Variants in REPS2 observed in about 807,000 individuals in gnomAD.
REPS2 encodes ralBP1-associated Eps domain-containing protein 2.
A neutral mutation model predicts 53.6 loss-of-function variants in REPS2; 23 were observed. That is an observed-to-expected ratio of 0.43 (90% CI 0.31 to 0.61). REPS2 has a LOEUF of 0.61. Ranked by LOEUF, REPS2 falls within the 20% of genes least tolerant of loss-of-function variation. The probability of loss-of-function intolerance (pLI) is 0.11; values close to 1 mark genes in which losing one functional copy is unlikely to be tolerated. For synonymous variants in REPS2, 238 were observed against 218.6 expected (o/e 1.09, Z -0.78); for missense variants, 446 against 534.9 (o/e 0.83, Z 1.64).
intron 5 of REPS2, among the ~76,000 whole-genome samples, chrX:17,030,267 G>A (rs1415475447): frequency 9.0e-6 from 1 of 111,303 alleles, no homozygotes; most frequent in Non-Finnish European, 1.9e-5. Context: ...GTTGCCTTGT[G>A]TAGTGTCTCT....
the REPS2 span, among the ~76,000 whole-genome samples, chrX:17,173,778 T>C: frequency 4.5e-5 from 5 of 112,154 alleles, no homozygotes; most frequent in Non-Finnish European, 9.4e-5. Flanking sequence ...CCTATTACCC[T>C]TGTGGTTCAA....
intron 1 of REPS2, among the ~76,000 whole-genome samples, chrX:16,985,483 C>A (rs979555441): frequency 1.6e-4 from 18 of 112,000 alleles, no homozygotes; most frequent in African/African-American, 5.8e-4. Context: ...TCCTGCTGTC[C>A]CAATATCATG....
chrX:17,075,134 T>C (rs2062362098), intron 12 of REPS2, among the ~76,000 whole-genome samples: 1 of 111,993 alleles, frequency 8.9e-6, no homozygotes, highest in South Asian at 3.7e-4. Flanking sequence ...TTCATTTAGG[T>C]AGGAAGAAAA....
intron 1 of REPS2, among the ~76,000 whole-genome samples, chrX:16,957,755 C>A (rs1454878560): frequency 9.0e-6 from 1 of 111,612 alleles, no homozygotes; most frequent in Non-Finnish European, 1.9e-5. Context: ...ATTTTTTGTT[C>A]GAGATCCAGA....
At chrX:17,141,370 T>C (rs60542261) in intron 17 of REPS2, among the ~76,000 whole-genome samples, 1,342 of 112,575 alleles carry the variant, frequency 0.012, 64 homozygotes, top group Admixed American at 0.088. Context: ...GTATCAGTAA[T>C]TCATTCATTT....
At chrX:17,167,473 G>A in the REPS2 span, among the ~76,000 whole-genome samples, 2 of 110,086 alleles carry the variant, frequency 1.8e-5, no homozygotes, top group East Asian at 2.9e-4. Context: ...CTACTTAACT[G>A]TTGTCCACTC....
intron 14 of REPS2, among the ~76,000 whole-genome samples, chrX:17,110,549 G>A (rs910978300): frequency 1.9e-5 from 2 of 104,698 alleles, no homozygotes; most frequent in Non-Finnish European, 3.9e-5. Flanking sequence ...AAAATTAGCC[G>A]GGCGGGGTGG....
intron 10 of REPS2, among the ~76,000 whole-genome samples, chrX:17,069,212 T>G (rs115692726): frequency 0.019 from 2,143 of 112,234 alleles, 49 homozygotes; most frequent in African/African-American, 0.067. Flanking sequence ...ACACTATGAA[T>G]CATTTGCCTA....
At chrX:16,993,608 C>A (rs190495859) in intron 1 of REPS2, among the ~76,000 whole-genome samples, 2 of 112,217 alleles carry the variant, frequency 1.8e-5, no homozygotes, top group Admixed American at 9.4e-5. Context: ...GCATAAGTGA[C>A]CCTCATCTGA....
At chrX:17,154,003 A>G (rs2063592299), downstream of REPS2, among the ~76,000 whole-genome samples, 1 of 111,495 alleles carries the variant, frequency 9.0e-6, no homozygotes, top group South Asian at 3.8e-4. Context: ...CAGCATCATC[A>G]GGGACTTATT....
At chrX:17,139,419 C>A (rs1019466003) in intron 17 of REPS2, among the ~76,000 whole-genome samples, 4 of 111,353 alleles carry the variant, frequency 3.6e-5, no homozygotes, top group Non-Finnish European at 7.5e-5. Context: ...AAGGAAGTCA[C>A]CTTGGTACTA....
intron 5 of REPS2, among the ~76,000 whole-genome samples, chrX:17,034,938 C>G (rs1468852410): frequency 9.0e-6 from 1 of 110,863 alleles, no homozygotes; most frequent in Non-Finnish European, 1.9e-5. Flanking sequence ...AAGTGCATAA[C>G]TTGAAAAATG....
intron 14 of REPS2, among the ~76,000 whole-genome samples, chrX:17,132,819 T>G (rs1172324112): frequency 8.9e-6 from 1 of 112,479 alleles, no homozygotes; most frequent in Non-Finnish European, 1.9e-5. Flanking sequence ...ATTACAGGCA[T>G]GAGCCACGGT....
chrX:16,950,804 T>G (rs2060496576), intron 1 of REPS2, among the ~76,000 whole-genome samples: 2 of 112,988 alleles, frequency 1.8e-5, no homozygotes, highest in Admixed American at 9.4e-5. Context: ...GTCCCAGTGC[T>G]TTGGGAGACC....
intron 2 of REPS2, among the ~76,000 whole-genome samples, chrX:17,019,965 A>G (rs2061550380): frequency 8.9e-6 from 1 of 112,545 alleles, no homozygotes; most frequent in African/African-American, 3.2e-5. Context: ...ATGTATGGTT[A>G]TACTTCTGTT....
the REPS2 span, among the ~76,000 whole-genome samples, chrX:17,176,518 G>T: frequency 8.9e-6 from 1 of 112,124 alleles, no homozygotes; most frequent in Non-Finnish European, 1.9e-5. Flanking sequence ...ATAGATTTCA[G>T]TGAACGTAGA....
chrX:17,043,028 G>C (rs1245942318), intron 5 of REPS2, among the ~76,000 whole-genome samples: 1 of 111,459 alleles, frequency 9.0e-6, no homozygotes, highest in African/African-American at 3.3e-5. Flanking sequence ...AACTCCTAGA[G>C]TCAAGTGGTC....
chrX:17,059,352 AATTG>A (rs1304205204), intron 8 of REPS2, among the ~76,000 whole-genome samples: 26 of 102,713 alleles, frequency 2.5e-4, no homozygotes, highest in Non-Finnish European at 4.7e-4. Flanking sequence ...ACTTTTTTCT[AATTG>A]ATCTATATTC....
rs759535373 is a variant in REPS2, at chrX:17,054,985, C to G, written c.1114+35C>G. ...CACCATCAACTGTAAACCTTAAGTA[C>G]TTTTCCTCCAGGCTGTGTAAAAAAC... On this transcript the variant is annotated intron_variant, in intron 8 of 17. Transcript: ENST00000357277. 1.1e-5 allele frequency: 13 copies of G among 1,180,651 alleles called. No homozygotes were observed. The South Asian group carries it at 2.1e-4, about 19-fold the overall frequency.
Sources: gnomAD v4.1 joint callset for allele counts (sites outside exome capture counted in the v4.1 genomes callset) on GRCh38, gnomAD v4.1.1 for gene constraint, MANE v1.5 for transcripts, NCBI Gene and HGNC (gene_info 2026-07-23, HGNC 2026-07-21) for gene names.